PLCZ1: variants seen among roughly 807,000 people sequenced by gnomAD.
PLCZ1 encodes the protein phospholipase C zeta 1.
In PLCZ1, 64 loss-of-function variants were observed where a neutral mutation model predicts 76.8. The ratio of observed to expected loss-of-function variants is 0.83; its 90% confidence interval spans 0.68 to 1.03. PLCZ1 has a LOEUF of 1.03. PLCZ1 is among the 50% of genes least tolerant of loss of function. PLCZ1 has a pLI of 0.00. For missense variants in PLCZ1, 751 were observed against 713.7 expected (o/e 1.05, Z -0.60); for synonymous variants, 248 against 230.8 (o/e 1.07, Z -0.68).
intron 12 of PLCZ1, 107 bp from the exon 13 acceptor site, chr12:18,688,325 A>G: frequency 1.7e-6 from 2 of 1,162,696 alleles, no homozygotes; most frequent in South Asian, 1.6e-5. Flanking sequence ...ACTCTAAGTC[A>G]GCTCCCACAA....
intron 6 of PLCZ1, among the ~76,000 whole-genome samples, chr12:18,708,870 T>G (rs145274006): frequency 6.6e-6 from 1 of 152,156 alleles, no homozygotes; most frequent in South Asian, 2.1e-4. Context: ...TTTTTTCCAC[T>G]AATGAGTTGT....
At chr12:18,654,294 T>A in the PLCZ1 span, among the ~76,000 whole-genome samples, 3 of 142,672 alleles carry the variant, frequency 2.1e-5, no homozygotes, top group Non-Finnish European at 3.1e-5. Context: ...CACTAGTACC[T>A]AAAAAAAAAA....
intron 3 of PLCZ1, among the ~76,000 whole-genome samples, chr12:18,732,305 C>T (rs528550083): frequency 6.6e-6 from 1 of 152,228 alleles, no homozygotes; most frequent in African/African-American, 2.4e-5. Flanking sequence ...GCACACACCA[C>T]CAGGCCCAGC....
chr12:18,690,714 C>A (rs550894413), intron 12 of PLCZ1, among the ~76,000 whole-genome samples: 8 of 152,208 alleles, frequency 5.3e-5, no homozygotes, highest in African/African-American at 1.9e-4. Context: ...GACATGATTC[C>A]TAAGTCTTGA....
intron 3 of PLCZ1, among the ~76,000 whole-genome samples, chr12:18,724,259 AAG>A (rs1235341619): frequency 6.6e-6 from 1 of 152,092 alleles, no homozygotes; most frequent in African/African-American, 2.4e-5. Flanking sequence ...ATAGACACTA[AAG>A]AACAGACCTC....
At chr12:18,697,299 A>C (rs1376340348) in intron 10 of PLCZ1, among the ~76,000 whole-genome samples, 1 of 152,150 alleles carries the variant, frequency 6.6e-6, no homozygotes, top group Non-Finnish European at 1.5e-5. Flanking sequence ...TAATTTTATC[A>C]ATATTTATTT....
At chr12:18,710,994 G>A (rs1957241668) in intron 6 of PLCZ1, among the ~76,000 whole-genome samples, 1 of 152,024 alleles carries the variant, frequency 6.6e-6, no homozygotes, top group South Asian at 2.1e-4. Context: ...CAGGGATCTA[G>A]AACTAGAAAT....
At chr12:18,726,483 A>G (rs187039995) in intron 3 of PLCZ1, among the ~76,000 whole-genome samples, 10 of 152,254 alleles carry the variant, frequency 6.6e-5, no homozygotes, top group African/African-American at 2.2e-4. Context: ...TTTATTCCCA[A>G]TGCCTACTAC....
the PLCZ1 span, among the ~76,000 whole-genome samples, chr12:18,667,843 T>A: frequency 6.6e-6 from 1 of 152,184 alleles, no homozygotes; most frequent in Non-Finnish European, 1.5e-5. Context: ...TTCCACCACA[T>A]TGCTCTGCCT....
intron 12 of PLCZ1, chr12:18,693,622 G>C: frequency 6.4e-7 from 1 of 1,568,316 alleles, no homozygotes; most frequent in Non-Finnish European, 8.8e-7. Context: ...CGTCCATTGT[G>C]TTTATTGATG....
chr12:18,697,843 A>G (rs1259816716), intron 10 of PLCZ1, among the ~76,000 whole-genome samples: 4 of 151,750 alleles, frequency 2.6e-5, no homozygotes, highest in Non-Finnish European at 5.9e-5. Flanking sequence ...AATAATTGGC[A>G]TCCTTGAAGT....
the PLCZ1 span, among the ~76,000 whole-genome samples, chr12:18,649,676 T>A: frequency 2.6e-5 from 4 of 152,160 alleles, no homozygotes; most frequent in Admixed American, 2.6e-4. Flanking sequence ...TCAATGAAAC[T>A]ACTTTAGTCA....
chr12:18,719,532 AT>A lies in PLCZ1; in HGVS notation c.467del (p.Asp156ValfsTer2), dbSNP rs770279367. 4.9e-5 allele frequency: 78 copies of A among 1,595,634 alleles called. No individual in the cohort carries two copies. Among genetic ancestry groups the A allele is most frequent in the Non-Finnish European group, 6.7e-5 (78 of 1,167,560 alleles). ...AATAATCATTTAATGGATGAGTCATATCTTGATAAACTTTTCTACATTCATT... is the reference window on the plus strand; with the variant it reads ...AATAATCATTTAATGGATGAGTCATACTTGATAAACTTTTCTACATTCATT... Reference protein sequence around the residue: ...FKNECRKVYQDMTHPLNDYFI... With the variant: ...FKNECRKVYQXMTHPLNDYFI... On this transcript the variant is annotated frameshift_variant, in exon 5 of 15. Transcript: ENST00000266505. LOFTEE classifies it high-confidence loss of function.
intron 6 of PLCZ1, among the ~76,000 whole-genome samples, chr12:18,708,153 A>G (rs926168698): frequency 3.3e-5 from 5 of 151,892 alleles, no homozygotes; most frequent in Admixed American, 1.3e-4. Flanking sequence ...CCTCTGACCT[A>G]CCTTTCTCCA....
chr12:18,683,511 C>G (rs1452251876), intron 14 of PLCZ1, 187 bp from the exon 15 acceptor site: 1 of 1,505,874 alleles, frequency 6.6e-7, no homozygotes, highest in Admixed American at 2.0e-5. Flanking sequence ...TTCTGACTTC[C>G]TAACTGCCCA....
At chr12:18,736,806 G>T in intron 2 of PLCZ1, 1 of 591,902 alleles carries the variant, frequency 1.7e-6, no homozygotes, top group Non-Finnish European at 2.8e-6. Context: ...CACAGTTTCT[G>T]CTACTTAGTG....
In PLCZ1 at chr12:18,737,938, C is replaced by T. The variant is rs1182536871; in HGVS notation, c.-145G>A. ...AATGCACACAGAGACACACCACTTTCGAAGAAGACTGTTCAGGAGGCTAAG... is the reference window on the plus strand; with the variant it reads ...AATGCACACAGAGACACACCACTTTTGAAGAAGACTGTTCAGGAGGCTAAG... On this transcript the variant is annotated 5_prime_UTR_variant, in exon 1 of 15. Transcript: ENST00000266505. 3.2e-6 allele frequency: 1 copy of T among 317,168 alleles called. No homozygotes were observed. The highest frequency in any genetic ancestry group is 5.8e-6 in the Non-Finnish European group (1 of 172,826). 19.6% of individuals were successfully genotyped at this position (317,168 alleles called of 1,614,324 possible). A position where few individuals can be genotyped will look rare whatever the true frequency, so the allele number is the denominator to read the frequency against.
Position 18,688,232 on chromosome 12 carries a change from T to C in PLCZ1, c.1462-14A>G, listed in dbSNP as rs756002089. On this transcript the variant is annotated splice_polypyrimidine_tract_variant and intron_variant, in intron 12 of 14. Coordinates refer to ENST00000266505, the MANE Select transcript of PLCZ1 (RefSeq NM_033123.4). ...ACCACTGATGAGCTGCACAAATATA[T>C]ATGAATATAAGAATTTAGCAAGATA... 11 of 1,596,314 alleles carry C rather than the reference T, an allele frequency of 6.9e-6. No individual in the cohort carries two copies. The East Asian group carries it at 1.8e-4, about 26-fold the overall frequency.
intron 10 of PLCZ1, among the ~76,000 whole-genome samples, chr12:18,698,065 A>G (rs1294170415): frequency 6.6e-6 from 1 of 151,892 alleles, no homozygotes. Flanking sequence ...CTCATGAACA[A>G]CATGAGGACC....
Sources: allele counts gnomAD v4.1 joint callset (sites outside exome capture counted in the v4.1 genomes callset), GRCh38; gene constraint gnomAD v4.1.1; transcripts MANE v1.5; gene names NCBI Gene and HGNC (gene_info 2026-07-23, HGNC 2026-07-21).